The following PRPF18 variants were observed in gnomAD, a reference collection of about 807,000 sequenced individuals.
PRPF18 encodes the protein pre-mRNA-splicing factor 18.
PRPF18 carries 38 observed loss-of-function variants against 46.5 expected under a neutral mutation model. The ratio of observed to expected loss-of-function variants is 0.82; its 90% CI spans 0.63 to 1.07. The LOEUF (loss-of-function observed/expected upper bound fraction) is 1.07, where lower values mean the gene tolerates loss of function less well. Ranked by LOEUF, PRPF18 falls within the 50% of genes least tolerant of loss-of-function variation. PRPF18 has a pLI of 0.00. For synonymous variants in PRPF18, 152 were observed against 146.7 expected (o/e 1.04, Z -0.26); for missense variants, 263 against 410.0 (o/e 0.64, Z 3.10).
At chr10:13,646,600 GC>G in the PRPF18 span, 1 of 152,366 alleles carries the variant, frequency 6.6e-6, no homozygotes, top group Non-Finnish European at 1.5e-5. Flanking sequence ...CTCTCCCAAC[GC>G]TACTTATCCG....
At chr10:13,652,209 G>A in the PRPF18 span, 1 of 574,316 alleles carries the variant, frequency 1.7e-6, no homozygotes, top group South Asian at 2.1e-5. Flanking sequence ...GCCTCATTTT[G>A]TATCACATCA....
rs139761089 is a variant in PRPF18, at chr10:13,603,381, T to G, written c.250-2250T>G. On this transcript the variant is annotated intron_variant, in intron 3 of 9. Transcript: ENST00000378572. ...ATAGAATTCTTGCACTAAAAGAAAT[T>G]TCGAAGTCAGGTAGTTTATTACCTT... Among the ~76,000 whole-genome samples the G allele has an allele frequency of 1.7e-3, 266 of 152,280 alleles. 2 individuals carry two copies. Among genetic ancestry groups the G allele is most frequent in the East Asian group, 0.013 (69 of 5,186 alleles).
chr10:13,651,197 G>A, the PRPF18 span: 1 of 152,286 alleles, frequency 6.6e-6, no homozygotes, highest in African/African-American at 2.4e-5. Flanking sequence ...CGAGCTCCCA[G>A]GTGATGGTGG....
At chr10:13,594,018 G>A (rs138120795) in intron 1 of PRPF18, among the ~76,000 whole-genome samples, 68 of 152,306 alleles carry the variant, frequency 4.5e-4, no homozygotes, top group African/African-American at 1.5e-3. Context: ...CATGGAGAAC[G>A]CCAAGTGGAC....
At position 13,597,548 on chromosome 10, in the gene PRPF18, G is replaced by C; in HGVS notation, c.144+13G>C. The C allele has an allele frequency of 1.2e-6, 2 of 1,605,622 alleles. No individual in the cohort carries two copies. The highest frequency in any genetic ancestry group is 8.5e-7 in the Non-Finnish European group (1 of 1,175,262). Reference sequence around the variant, plus strand: ...ATGTGGCTACAAGGTATGAATGTCTGCTTTTATGTTAAATTGTACATTTCT... The same window carrying C: ...ATGTGGCTACAAGGTATGAATGTCTCCTTTTATGTTAAATTGTACATTTCT... On this transcript the variant is annotated intron_variant, in intron 2 of 9. Transcript: ENST00000378572.
At chr10:13,604,899 A>G (rs2080162689) in intron 3 of PRPF18, among the ~76,000 whole-genome samples, 1 of 152,232 alleles carries the variant, frequency 6.6e-6, no homozygotes, top group Non-Finnish European at 1.5e-5. Context: ...AAGAACAGTT[A>G]TAATTATGTA....
the PRPF18 span, among the ~76,000 whole-genome samples, chr10:13,649,884 A>AAGTC: frequency 2.6e-5 from 4 of 152,222 alleles, no homozygotes; most frequent in Non-Finnish European, 5.9e-5. Context: ...CTAAAAACCT[A>AAGTC]AGTCAGTCAT....
At chr10:13,620,202 G>A (rs1369405994) in intron 9 of PRPF18, among the ~76,000 whole-genome samples, 2 of 152,062 alleles carry the variant, frequency 1.3e-5, no homozygotes, top group Non-Finnish European at 2.9e-5. Flanking sequence ...TGTACTTCTT[G>A]CCATCTCTAA....
intron 9 of PRPF18, among the ~76,000 whole-genome samples, chr10:13,618,085 G>A (rs1019904086): frequency 1.3e-5 from 2 of 152,088 alleles, no homozygotes; most frequent in Non-Finnish European, 2.9e-5. Context: ...CTGTCCTGTC[G>A]AACCTTTTAA....
chr10:13,633,116 C>A (rs2080604850), downstream of PRPF18, among the ~76,000 whole-genome samples: 1 of 152,036 alleles, frequency 6.6e-6, no homozygotes, highest in South Asian at 2.1e-4. Context: ...CTTTGGGGGA[C>A]AATTAGGAAA....
chr10:13,597,684 GT>G, intron 2 of PRPF18, 149 bp downstream of exon 2: 1 of 1,589,044 alleles, frequency 6.3e-7, no homozygotes, highest in South Asian at 1.1e-5. Flanking sequence ...ATGAGTTTTT[GT>G]TTTTGCATTT....
chr10:13,605,623 C>T lies in PRPF18; in HGVS notation c.250-8C>T, dbSNP rs759021772. The stretch of plus-strand genomic sequence containing the variant: ...AAAAATTTACTGGGTATCTGTTTCA[C>T]TTTGTAGGTCATCAGAAGATTGAGA... On this transcript the variant is annotated splice_polypyrimidine_tract_variant and splice_region_variant and intron_variant, in intron 3 of 9. Transcript: ENST00000378572. The T allele has an allele frequency of 7.5e-6, 11 of 1,463,092 alleles. No homozygotes were observed. The highest frequency in any genetic ancestry group is 1.9e-5 in the Admixed American group (1 of 52,664). 90.6% of individuals were successfully genotyped at this position (1,463,092 alleles called of 1,614,324 possible).
Position 13,611,667 on chromosome 10 carries a change from T to G in PRPF18, c.563T>G (p.Ile188Ser), listed in dbSNP as rs1488935603. ...GATGATCATAAAGACATGGACATCATCACCAAATTCCTGAAGGTGCGTGTC... is the reference window on the plus strand; with the variant it reads ...GATGATCATAAAGACATGGACATCAGCACCAAATTCCTGAAGGTGCGTGTC... ...KGDDHKDMDI[I>S]TKFLKFLLGV... is the part of the protein sequence containing the mutation. The change falls in exon 6 of 10, where the codon ATC (isoleucine) becomes AGC (serine). Residue 188 changes from isoleucine to serine, a missense_variant. This residue lies in a region of PRPF18 where 155 missense variants were observed against 245.1 expected (regional missense o/e 0.63). Coordinates refer to ENST00000378572, the MANE Select transcript of PRPF18 (RefSeq NM_003675.4). 2 of 1,613,908 alleles carry G rather than the reference T, an allele frequency of 1.2e-6. No individual in the cohort carries two copies. The highest frequency in any genetic ancestry group is 1.7e-6 in the Non-Finnish European group (2 of 1,179,828).
intron 2 of PRPF18, among the ~76,000 whole-genome samples, chr10:13,598,816 G>T (rs17614303): frequency 0.098 from 14,978 of 152,142 alleles, 926 homozygotes; most frequent in Non-Finnish European, 0.14. Context: ...GGTTTACTCT[G>T]CTGGCTTGTG....
At position 13,608,869 on chromosome 10, in the gene PRPF18, G is replaced by A. The variant is rs148000790; in HGVS notation, c.364-1170G>A. 1.4e-3 allele frequency among the ~76,000 whole-genome samples: 207 copies of A among 152,284 alleles called. 1 individual carries two copies. The highest frequency in any genetic ancestry group is 4.7e-3 in the African/African-American group (195 of 41,544). On this transcript the variant is annotated intron_variant, in intron 4 of 9. Coordinates refer to ENST00000378572, the MANE Select transcript of PRPF18 (RefSeq NM_003675.4). ...GATTATAGTAATCAATTATTTGGCC[G>A]TTGGCAAGTCTTTTACTCTATTTGA...
At position 13,600,365 on chromosome 10, in the gene PRPF18, T is replaced by TG; in HGVS notation, c.249+19dup. The TG allele has an allele frequency of 6.4e-7, 1 of 1,563,220 alleles. No individual in the cohort carries two copies. The highest frequency in any genetic ancestry group is 8.8e-7 in the Non-Finnish European group (1 of 1,137,348). The stretch of plus-strand genomic sequence containing the variant: ...AGGCAAGAGGTAAGTTTATTTGTGA[T>TG]GGTTTCATGAGAATAAGATCTCCAC... On this transcript the variant is annotated intron_variant, in intron 3 of 9. Transcript: ENST00000378572.
At chr10:13,621,554 GT>G (rs2080420223) in intron 9 of PRPF18, among the ~76,000 whole-genome samples, 1 of 152,102 alleles carries the variant, frequency 6.6e-6, no homozygotes, top group South Asian at 2.1e-4. Context: ...CCAGCGCTAG[GT>G]TGCTCTACTG....
At position 13,611,687 on chromosome 10, in the gene PRPF18, C is replaced by A; in HGVS notation, c.579+4C>A. On this transcript the variant is annotated splice_donor_region_variant and intron_variant, in intron 6 of 9. Coordinates refer to ENST00000378572, the MANE Select transcript of PRPF18 (RefSeq NM_003675.4). The stretch of plus-strand genomic sequence containing the variant: ...CATCATCACCAAATTCCTGAAGGTG[C>A]GTGTCTTAGGCGAGGGGATGAGGAT... 2 of 1,612,558 alleles carry A rather than the reference C, an allele frequency of 1.2e-6. No homozygotes were observed. Among genetic ancestry groups the A allele is most frequent in the Non-Finnish European group, 1.7e-6 (2 of 1,178,722 alleles).
intron 6 of PRPF18, 93 bp from the exon 7 acceptor site, chr10:13,613,648 T>C: frequency 7.7e-7 from 1 of 1,293,606 alleles, no homozygotes; most frequent in South Asian, 1.5e-5. Context: ...ACTTTAAGGA[T>C]GATTGTATTC....
Sources: allele counts gnomAD v4.1 joint callset (sites outside exome capture counted in the v4.1 genomes callset), GRCh38; gene constraint gnomAD v4.1.1; regional missense constraint gnomAD v4.1.1; transcripts MANE v1.5; gene names NCBI Gene and HGNC (gene_info 2026-07-23, HGNC 2026-07-21).